Variants in RNF126 observed in about 807,000 individuals in gnomAD.
The protein encoded by RNF126 is ring finger protein 126.
Under a neutral mutation model 41.9 loss-of-function variants are expected in RNF126, and 20 were observed. The observed-to-expected ratio is 0.48, with a 90% CI of 0.34 to 0.69. The LOEUF (loss-of-function observed/expected upper bound fraction) is 0.69. Among genes scored for constraint, RNF126 ranks in the 30% least tolerant of loss-of-function variants. RNF126 has a pLI of 0.01. For missense variants in RNF126, 433 were observed against 460.6 expected, an observed-to-expected ratio of 0.94 and a Z score of 0.55; for synonymous variants, 239 against 202.9, an observed-to-expected ratio of 1.18 and a Z score of -1.51.
intron 1 of RNF126, among the ~76,000 whole-genome samples, chr19:660,527 G>A (rs894566504): frequency 1.3e-5 from 2 of 152,236 alleles, no homozygotes; most frequent in African/African-American, 4.8e-5. Context: ...CGGCAGAGAC[G>A]CCCCGTTTCG....
In RNF126 at chr19:663,110, C is replaced by G; in HGVS notation, c.12G>C (p.Ala4=). The change falls in exon 1 of 9, where the codon GCG becomes GCC. Residue 4 remains alanine, a synonymous_variant. Coordinates refer to ENST00000292363, the MANE Select transcript of RNF126 (RefSeq NM_194460.3). MAE[A]SPHPGRYFCH... is the part of the protein sequence containing the mutation. The stretch of plus-strand genomic sequence containing the variant: ...AGAAGTACCGTCCGGGATGCGGCGA[C>G]GCCTCGGCCATGGCCGCCGCCACCT... The G allele has an allele frequency of 7.5e-7, 1 of 1,326,798 alleles. No homozygotes were observed. Among genetic ancestry groups the G allele is most frequent in the African/African-American group, 1.5e-5 (1 of 65,386 alleles). 82.2% of individuals were successfully genotyped at this position (1,326,798 alleles called of 1,614,324 possible).
Position 659,211 on chromosome 19 carries a change from C to A in RNF126, c.75+3836G>T, listed in dbSNP as rs915454518. ...GCAGCGGCCAGAGACAGACCCAGGC[C>A]GTCTTCTGAAGACTCGGGCCAGGCC... On this transcript the variant is annotated intron_variant, in intron 1 of 8. Transcript: ENST00000292363. This position sits in a 1 kb window ranked among gnomAD's most constrained non-coding sequence, Gnocchi z 4.9. Among the ~76,000 whole-genome samples the A allele has an allele frequency of 6.6e-6, 1 of 152,160 alleles. No individual in the cohort carries two copies. The highest frequency in any genetic ancestry group is 1.5e-5 in the Non-Finnish European group (1 of 68,020).
At chr19:657,587 G>A (rs574169842) in intron 1 of RNF126, among the ~76,000 whole-genome samples, 1 of 152,190 alleles carries the variant, frequency 6.6e-6, no homozygotes, top group Non-Finnish European at 1.5e-5. Context: ...CACCCTAGGG[G>A]TTTCAAAGGT....
At chr19:650,672 A>C (rs1271241361) in intron 4 of RNF126, 1 of 149,738 alleles carries the variant, frequency 6.7e-6, no homozygotes, top group African/African-American at 2.6e-5. Flanking sequence ...GGCTGACTGC[A>C]ACCTCTGCCT....
At chr19:654,431 T>A (rs991131113) in intron 1 of RNF126, among the ~76,000 whole-genome samples, 10 of 143,210 alleles carry the variant, frequency 7.0e-5, no homozygotes, top group Non-Finnish European at 1.2e-4. Context: ...TCATCTGAGA[T>A]CAGGAGTTGG....
chr19:653,131 GGCGTCACCA>G (rs1349195154), intron 1 of RNF126, among the ~76,000 whole-genome samples: 1 of 149,762 alleles, frequency 6.7e-6, no homozygotes. Flanking sequence ...CACCGTGACG[GGCGTCACCA>G]GCGTCATCAG....
At chr19:651,935 G>A (rs1056142324) in intron 3 of RNF126, 80 bp from the exon 4 acceptor site, 1 of 1,352,966 alleles carries the variant, frequency 7.4e-7, no homozygotes, top group African/African-American at 1.5e-5. Context: ...AAAGACAAAG[G>A]AGAAAGCAAG....
chr19:651,594 C>G lies in RNF126; in HGVS notation c.443+17G>C. On this transcript the variant is annotated intron_variant, in intron 4 of 8. Coordinates refer to ENST00000292363, the MANE Select transcript of RNF126 (RefSeq NM_194460.3). ...CAAGGCGTGGGGCCCTCGCGGCCAC[C>G]CCCGGGGCCCCCTCACCCTTCCAGC... 1 of 1,402,192 alleles carries G rather than the reference C, an allele frequency of 7.1e-7. No individual in the cohort carries two copies. Among genetic ancestry groups the G allele is most frequent in the Non-Finnish European group, 9.2e-7 (1 of 1,082,770 alleles). 86.9% of individuals were successfully genotyped at this position (1,402,192 alleles called of 1,614,324 possible).
intron 1 of RNF126, among the ~76,000 whole-genome samples, chr19:655,981 C>T (rs952290863): frequency 1.3e-5 from 2 of 151,910 alleles, no homozygotes; most frequent in African/African-American, 4.8e-5. Context: ...ATGAAATGTC[C>T]AGGACAGGCC....
chr19:661,649 C>T (rs1388303262), intron 1 of RNF126, among the ~76,000 whole-genome samples: 3 of 152,180 alleles, frequency 2.0e-5, no homozygotes, highest in African/African-American at 7.2e-5. Context: ...TCCTCTGTGA[C>T]CCAGAGACAG....
chr19:649,213 A>T, intron 6 of RNF126: 3 of 129,914 alleles, frequency 2.3e-5, no homozygotes, highest in Non-Finnish European at 4.4e-5. Context: ...GGTCCCTGAC[A>T]GCGGAATGGG....
At chr19:654,401 G>A (rs748648424) in intron 1 of RNF126, among the ~76,000 whole-genome samples, 7 of 152,180 alleles carry the variant, frequency 4.6e-5, no homozygotes, top group Admixed American at 6.5e-5. Flanking sequence ...CTGGCACTTC[G>A]GGAGGCCGAG....
At chr19:651,266 A>G (rs533935755) in intron 4 of RNF126, 2 of 184,744 alleles carry the variant, frequency 1.1e-5, no homozygotes, top group East Asian at 2.7e-4. Flanking sequence ...GCTCCGTTCC[A>G]CCAGGAGTGG....
At chr19:661,453 G>GTT (rs2030798659) in intron 1 of RNF126, 1 of 152,294 alleles carries the variant, frequency 6.6e-6, no homozygotes, top group African/African-American at 2.4e-5. Context: ...GGAGACAGAG[G>GTT]AGTAAGGCAA....
In RNF126 at chr19:649,717, C is replaced by A. The variant is rs865819272; in HGVS notation, c.538G>T (p.Ala180Ser). ...GVLHSNPMDY[A>S]WGANGLDAII... ...GCATCCAGGCCGTTGGCCCCCCAGG[C>A]GTAGTCCATAGGGTTTGAGTGCAGG... The change falls in exon 6 of 9, where the codon GCC (alanine) becomes TCC (serine). Residue 180 changes from alanine to serine, a missense_variant. Transcript: ENST00000292363. 1 of 1,571,522 alleles carries A rather than the reference C, an allele frequency of 6.4e-7. No homozygotes were observed. The highest frequency in any genetic ancestry group is 1.8e-5 in the Admixed American group (1 of 55,400).
In RNF126 at chr19:647,979, G is replaced by C; in HGVS notation, c.*149C>G. 3.0e-6 allele frequency: 3 copies of C among 1,008,336 alleles called. No individual in the cohort carries two copies. Among genetic ancestry groups the C allele is most frequent in the Non-Finnish European group, 4.2e-6 (3 of 710,600 alleles). The allele number at this position is 1,008,336 out of a possible 1,614,324, so 62.5% of individuals were successfully genotyped here. On this transcript the variant is annotated 3_prime_UTR_variant, in exon 9 of 9. Coordinates refer to ENST00000292363, the MANE Select transcript of RNF126 (RefSeq NM_194460.3). ...CCCAAGCCAGGGGGCCGGTGGGCCG[G>C]GCCCGGGTCCTGCCCTGGAACAGGC...
rs780309025 is a variant in RNF126, at chr19:651,778, C to T, written c.276G>A (p.Glu92=). The change falls in exon 4 of 9, where the codon GAG becomes GAA. Residue 92 remains glutamate, a synonymous_variant. Transcript: ENST00000292363. ...FAFGIFDDSF[E]IPTFPPGAQA... is the part of the protein sequence containing the mutation. ...GCGCCCCAGGAGGGAACGTGGGGAT[C>T]TCGAAGCTGTCATCGAAGATGCCGA... 2.7e-5 allele frequency: 43 copies of T among 1,612,758 alleles called. No homozygotes were observed. Among genetic ancestry groups the T allele is most frequent in the Non-Finnish European group, 3.1e-5 (36 of 1,179,904 alleles).
At chr19:655,986 C>G (rs1403083663) in intron 1 of RNF126, among the ~76,000 whole-genome samples, 7 of 151,884 alleles carry the variant, frequency 4.6e-5, no homozygotes, top group Non-Finnish European at 7.4e-5. Context: ...ATGTCCAGGA[C>G]AGGCCGAGCC....
At chr19:657,186 C>T (rs934889363) in intron 1 of RNF126, among the ~76,000 whole-genome samples, 1 of 152,226 alleles carries the variant, frequency 6.6e-6, no homozygotes, top group Admixed American at 6.5e-5. Context: ...CCTCTGAGGA[C>T]CCTGGCTTGC....
Sources: allele counts gnomAD v4.1 joint callset (sites outside exome capture counted in the v4.1 genomes callset), GRCh38; gene constraint gnomAD v4.1.1; non-coding constraint Gnocchi (gnomAD v3.1); transcripts MANE v1.5; gene names NCBI Gene and HGNC (gene_info 2026-07-23, HGNC 2026-07-21).